The following ATG2B variants were observed in gnomAD, a reference collection of about 807,000 sequenced individuals.
ATG2B encodes the protein autophagy related 2B.
In ATG2B, 121 loss-of-function variants were observed where a neutral mutation model predicts 241.3. That is an observed-to-expected ratio of 0.50 (90% CI 0.43 to 0.58). The LOEUF (loss-of-function observed/expected upper bound fraction) is 0.58, where lower values mean the gene tolerates loss of function less well. Ranked by LOEUF, ATG2B falls within the 20% of genes least tolerant of loss-of-function variation. ATG2B has a pLI of 0.00. For synonymous variants in ATG2B, 858 were observed against 876.6 expected, an observed-to-expected ratio of 0.98 and a Z score of 0.37; for missense variants, 2,306 against 2,491.6, an observed-to-expected ratio of 0.93 and a Z score of 1.59.
intron 1 of ATG2B, among the ~76,000 whole-genome samples, chr14:96,356,152 C>G (rs188360352): frequency 7.6e-6 from 1 of 132,366 alleles, no homozygotes; most frequent in Non-Finnish European, 1.6e-5. Context: ...ACCTGGGTGA[C>G]AGAGCAAGAA....
rs780029221 is a variant in ATG2B, at chr14:96,284,256, C to T, written c.*1499G>A. 2.0e-5 allele frequency: 3 copies of T among 152,112 alleles called. No individual in the cohort carries two copies. Among genetic ancestry groups the T allele is most frequent in the Non-Finnish European group, 4.4e-5 (3 of 68,024 alleles). The allele number at this position is 152,112 out of a possible 1,614,324, so 9.4% of individuals were successfully genotyped here. Reference sequence around the variant, plus strand: ...TCTACCCGAATAAGAGATGGTCCCACGGTGCTTAAACAGGTGGTTACGCTG... The same window carrying T: ...TCTACCCGAATAAGAGATGGTCCCATGGTGCTTAAACAGGTGGTTACGCTG... On this transcript the variant is annotated 3_prime_UTR_variant, in exon 42 of 42. Transcript: ENST00000359933.
intron 4 of ATG2B, among the ~76,000 whole-genome samples, 195 bp downstream of exon 4, chr14:96,344,459 T>C (rs1395084799): frequency 6.6e-6 from 1 of 152,194 alleles, no homozygotes; most frequent in Non-Finnish European, 1.5e-5. Context: ...TATATAATTA[T>C]ACCCCAACTG....
intron 41 of ATG2B, among the ~76,000 whole-genome samples, chr14:96,287,415 G>C (rs1015321899): frequency 2.0e-5 from 3 of 152,060 alleles, no homozygotes; most frequent in African/African-American, 7.2e-5. Context: ...CTCTCCACCA[G>C]CTCTCCTCCC....
chr14:96,286,988 G>A (rs1026577258), intron 41 of ATG2B, among the ~76,000 whole-genome samples: 1 of 152,028 alleles, frequency 6.6e-6, no homozygotes, highest in Admixed American at 6.6e-5. Context: ...GGGCGCGGTG[G>A]CTCACACCTG....
Position 96,290,986 on chromosome 14 carries a change from A to G in ATG2B, c.5580-51T>C. 13 of 1,492,330 alleles carry G rather than the reference A, an allele frequency of 8.7e-6. No homozygotes were observed. Among genetic ancestry groups the G allele is most frequent in the Non-Finnish European group, 1.2e-5 (13 of 1,109,196 alleles). The allele number at this position is 1,492,330 out of a possible 1,614,324, so 92.4% of individuals were successfully genotyped here. ...CAAAAGGAGAAATACATTTATAGACACAGATTAGTTTGAGGGTTTTTTTTT... is the reference window on the plus strand; with the variant it reads ...CAAAAGGAGAAATACATTTATAGACGCAGATTAGTTTGAGGGTTTTTTTTT... On this transcript the variant is annotated intron_variant, in intron 38 of 41. Transcript: ENST00000359933. The surrounding 1 kb of genome is among the most constrained non-coding windows in gnomAD (Gnocchi z 4.4).
Position 96,344,756 on chromosome 14 carries a change from A to T in ATG2B, c.479T>A (p.Val160Glu). The T allele has an allele frequency of 6.9e-7, 1 of 1,439,124 alleles. No individual in the cohort carries two copies. The highest frequency in any genetic ancestry group is 9.6e-7 in the Non-Finnish European group (1 of 1,045,462). 89.1% of individuals were successfully genotyped at this position (1,439,124 alleles called of 1,614,324 possible). The change falls in exon 4 of 42, where the codon GTA (valine) becomes GAA (glutamate). Residue 160 changes from valine to glutamate, a missense_variant and splice_region_variant. Around this residue, in one of 2 missense-constraint regions of ATG2B, gnomAD observed 1,927 missense variants for 2,011.2 expected, o/e 0.96. Coordinates refer to ENST00000359933, the MANE Select transcript of ATG2B (RefSeq NM_018036.7). Reference sequence around the variant, plus strand: ...AAAAGTGACTTTTACTCTTCTTAGTACTAAAGTAAACAAGTAATTGTCAAC... The same window carrying T: ...AAAAGTGACTTTTACTCTTCTTAGTTCTAAAGTAAACAAGTAATTGTCAAC... ...LEKFAETIET[V>E]LRRVKVTFID...
Position 96,363,129 on chromosome 14 carries a change from T to C in ATG2B, c.-153A>G. 1.2e-6 allele frequency: 1 copy of C among 805,484 alleles called. No homozygotes were observed. The highest frequency in any genetic ancestry group is 2.7e-5 in the East Asian group (1 of 37,288). The allele number at this position is 805,484 out of a possible 1,614,324, so 49.9% of individuals were successfully genotyped here. A position where few individuals can be genotyped will look rare whatever the true frequency, so the allele number is the denominator to read the frequency against. On this transcript the variant is annotated 5_prime_UTR_variant, in exon 1 of 42. It removes an upstream start codon present in the reference 5' UTR. Coordinates refer to ENST00000359933, the MANE Select transcript of ATG2B (RefSeq NM_018036.7). Reference sequence around the variant, plus strand: ...CCGGGAGTCCCTCAGGGAGACCCCATCGCCGGCGCCGCACCGCTCGCGCTG... The same window carrying C: ...CCGGGAGTCCCTCAGGGAGACCCCACCGCCGGCGCCGCACCGCTCGCGCTG...
chr14:96,319,514 G>C (rs1219588721), intron 18 of ATG2B, among the ~76,000 whole-genome samples: 2 of 151,996 alleles, frequency 1.3e-5, no homozygotes, highest in East Asian at 3.8e-4. Context: ...TGTTGACCAA[G>C]GCACTAAAGG....
rs980985053 is a variant in ATG2B, at chr14:96,289,236, C to A, written c.6006+420G>T. Among the ~76,000 whole-genome samples, 1 of 152,120 alleles carries A rather than the reference C, an allele frequency of 6.6e-6. No individual in the cohort carries two copies. The highest frequency in any genetic ancestry group is 1.9e-4 in the East Asian group (1 of 5,178). ...TAATAAAACTATATAAAAACATGTA[C>A]AAAAAAATATGTTCCACGTTCAGCA... is the stretch of plus-strand genomic sequence containing the variant. On this transcript the variant is annotated intron_variant, in intron 41 of 41. Transcript: ENST00000359933. The surrounding 1 kb of genome is among the most constrained non-coding windows in gnomAD (Gnocchi z 4.3).
chr14:96,345,472 AT>A, intron 2 of ATG2B, 87 bp from the exon 3 acceptor site: 1 of 998,310 alleles, frequency 1.0e-6, no homozygotes. Context: ...AAATAGACAA[AT>A]TCTTAATCTT....
intron 34 of ATG2B, among the ~76,000 whole-genome samples, chr14:96,296,350 A>G (rs1008548761): frequency 3.3e-5 from 5 of 152,158 alleles, no homozygotes; most frequent in African/African-American, 1.2e-4. Flanking sequence ...TTGTACGTAC[A>G]TGCCATATTT....
rs773984669 is a variant in ATG2B, at chr14:96,311,609, C to G, written c.3923G>C (p.Arg1308Pro). Residue 1308 changes from arginine (R) to proline (P), a missense_variant, in exon 27 of 42, where the codon CGT becomes CCT. Physicochemically the swap from Arg to Pro is moderately radical, Grantham distance 103. Coordinates refer to ENST00000359933, the MANE Select transcript of ATG2B (RefSeq NM_018036.7). ...VTINLSRDYVRVMDMGLLELT... is the reference protein window; with the variant it reads ...VTINLSRDYVPVMDMGLLELT... ...CTCCAAAAGCCCCATATCCATCACA[C>G]GAACATAATCTAAAATTTTTAAAAT... is the stretch of plus-strand genomic sequence containing the variant. 19 of 1,605,554 alleles carry G rather than the reference C, an allele frequency of 1.2e-5. No homozygotes were observed. The highest frequency in any genetic ancestry group is 5.0e-5 in the Admixed American group (3 of 59,834).
intron 6 of ATG2B, 137 bp downstream of exon 6, chr14:96,341,384 TA>T: frequency 1.7e-6 from 1 of 580,122 alleles, no homozygotes; most frequent in Non-Finnish European, 2.7e-6. Context: ...CAACTGAGAG[TA>T]AAAATGCTAA....
intron 38 of ATG2B, among the ~76,000 whole-genome samples, chr14:96,291,273 T>G (rs907640977): frequency 6.6e-6 from 1 of 152,206 alleles, no homozygotes; most frequent in Non-Finnish European, 1.5e-5. Context: ...GGCTTTGGCA[T>G]AAGATTAACC....
chr14:96,302,237 T>C lies in ATG2B; in HGVS notation c.5038-129A>G. On this transcript the variant is annotated intron_variant, in intron 33 of 41. Transcript: ENST00000359933. Reference sequence around the variant, plus strand: ...TGAGAAAAAGAGGAATTGTTTACCCTCTTTCCTTAAAAGTCTGAATCAAAC... The same window carrying C: ...TGAGAAAAAGAGGAATTGTTTACCCCCTTTCCTTAAAAGTCTGAATCAAAC... 1.1e-5 allele frequency: 7 copies of C among 614,264 alleles called. 1 individual carries two copies. In the South Asian group the frequency reaches 1.3e-4, roughly 11 times the overall value. 38.1% of individuals were successfully genotyped at this position (614,264 alleles called of 1,614,324 possible). A position where few individuals can be genotyped will look rare whatever the true frequency, so the allele number is the denominator to read the frequency against.
chr14:96,312,067 C>T, intron 26 of ATG2B, 22 bp downstream of exon 26: 1 of 1,563,354 alleles, frequency 6.4e-7, no homozygotes. Flanking sequence ...TTTATCTACT[C>T]CATTTGTTTT....
chr14:96,342,445 G>A (rs1888062151), intron 5 of ATG2B, among the ~76,000 whole-genome samples: 1 of 152,198 alleles, frequency 6.6e-6, no homozygotes, highest in Non-Finnish European at 1.5e-5. Flanking sequence ...AAATGGGCCA[G>A]ACGTGGTGGC....
At chr14:96,308,278 ATATATT>A (rs1887052578) in intron 29 of ATG2B, among the ~76,000 whole-genome samples, 9 of 27,710 alleles carry the variant, frequency 3.2e-4, no homozygotes, top group Admixed American at 1.2e-3. Context: ...ATATATATAT[ATATATT>A]TTTTTTTTTT....
chr14:96,287,472 G>A (rs368619153), intron 41 of ATG2B, among the ~76,000 whole-genome samples: 6 of 152,084 alleles, frequency 3.9e-5, no homozygotes, highest in African/African-American at 1.2e-4. Flanking sequence ...GTACGAGGCC[G>A]ACCACCACTA....
Sources: allele counts gnomAD v4.1 joint callset (sites outside exome capture counted in the v4.1 genomes callset), GRCh38; gene constraint gnomAD v4.1.1; regional missense constraint gnomAD v4.1.1; non-coding constraint Gnocchi (gnomAD v3.1); transcripts MANE v1.5; gene names NCBI Gene and HGNC (gene_info 2026-07-23, HGNC 2026-07-21).